Variants in AAR2 observed in about 807,000 individuals in gnomAD.
The protein encoded by AAR2 is AAR2 splicing factor, also known as protein AAR2 homolog.
Under a neutral mutation model 26.9 loss-of-function variants are expected in AAR2, and 31 were observed. The ratio of observed to expected loss-of-function variants is 1.15; its 90% CI spans 0.86 to 1.55. The LOEUF is 1.55. Ranked by LOEUF, AAR2 falls within the 40% of genes most tolerant of loss-of-function variation. AAR2 has a pLI of 0.00. For missense variants in AAR2, 430 were observed against 491.3 expected (o/e 0.88, Z 1.18); for synonymous variants, 188 against 196.1 (o/e 0.96, Z 0.34).
At chr20:36,238,140 A>G (rs1184861302) in intron 1 of AAR2, among the ~76,000 whole-genome samples, 7 of 152,194 alleles carry the variant, frequency 4.6e-5, no homozygotes, top group Non-Finnish European at 8.8e-5. Flanking sequence ...TGTGACCTAC[A>G]GTAACGAATA....
At chr20:36,250,974 A>G (rs369150974) in intron 3 of AAR2, among the ~76,000 whole-genome samples, 2 of 152,138 alleles carry the variant, frequency 1.3e-5, no homozygotes, top group South Asian at 2.1e-4. Context: ...AGGTGCGTGG[A>G]TCACTTGAGC....
intron 2 of AAR2, 122 bp from the exon 3 acceptor site, chr20:36,244,575 C>T: frequency 7.7e-6 from 7 of 912,402 alleles, no homozygotes; most frequent in Non-Finnish European, 1.2e-5. Context: ...GCAGGAGTGA[C>T]AAGGATAAAA....
At chr20:36,249,156 C>T (rs1167407364) in intron 3 of AAR2, among the ~76,000 whole-genome samples, 1 of 152,082 alleles carries the variant, frequency 6.6e-6, no homozygotes. Flanking sequence ...TAAAATCAGC[C>T]GCGTAATGGA....
chr20:36,239,788 G>A (rs1026451260), intron 1 of AAR2, 33 bp from the exon 2 acceptor site: 29 of 1,479,878 alleles, frequency 2.0e-5, no homozygotes, highest in African/African-American at 1.1e-4. Context: ...TTTCCCCCAC[G>A]TTCTGATTAA....
intron 3 of AAR2, 100 bp downstream of exon 3, chr20:36,245,026 T>C: frequency 9.0e-7 from 1 of 1,112,898 alleles, no homozygotes; most frequent in African/African-American, 1.6e-5. Flanking sequence ...CCCAAAATTT[T>C]TAAATTTCAG....
In AAR2 at chr20:36,244,676, TCTC is replaced by T. The variant is rs776514716; in HGVS notation, c.758-17_758-15del. ...GGTCCTCCTCTCCCTCAGAATCACT[TCTC>T]CTCTCTGCACCTTTCAGGTGAACTC... On this transcript the variant is annotated intron_variant, in intron 2 of 3. Transcript: ENST00000320849. The T allele has an allele frequency of 9.8e-5, 153 of 1,561,074 alleles. No individual in the cohort carries two copies. Among genetic ancestry groups the T allele is most frequent in the Non-Finnish European group, 1.1e-4 (125 of 1,138,254 alleles).
intron 3 of AAR2, 71 bp from the exon 4 acceptor site, chr20:36,255,507 G>A (rs2064812553): frequency 6.4e-7 from 1 of 1,571,410 alleles, no homozygotes; most frequent in Non-Finnish European, 8.7e-7. Context: ...ACACCATGAG[G>A]AAATTTCCAC....
At chr20:36,237,109 A>G (rs2064615725) in intron 1 of AAR2, among the ~76,000 whole-genome samples, 1 of 152,220 alleles carries the variant, frequency 6.6e-6, no homozygotes, top group Non-Finnish European at 1.5e-5. Flanking sequence ...ATATGGAGAC[A>G]GCCTCCAATT....
At chr20:36,238,712 C>T (rs2064644402) in intron 1 of AAR2, among the ~76,000 whole-genome samples, 1 of 149,850 alleles carries the variant, frequency 6.7e-6, no homozygotes, top group African/African-American at 2.5e-5. Flanking sequence ...GCCGAGATCA[C>T]GCCACTGCAC....
In AAR2 at chr20:36,240,326, G is replaced by A. The variant is rs768628432; in HGVS notation, c.458G>A (p.Arg153Gln). The change falls in exon 2 of 4, where the codon CGA (arginine) becomes CAA (glutamine). Residue 153 changes from arginine (R) to glutamine (Q), a missense_variant. Physicochemically the swap from Arg to Gln is conservative, Grantham distance 43. Coordinates refer to ENST00000320849, the MANE Select transcript of AAR2 (RefSeq NM_001271874.2). ...ATVEKLQPENRQICAFSDVLP... is the reference protein window; with the variant it reads ...ATVEKLQPENQQICAFSDVLP... Reference sequence around the variant, plus strand: ...GTGGAGAAGCTACAGCCCGAGAATCGACAGATCTGTGCCTTTTCCGATGTG... The same window carrying A: ...GTGGAGAAGCTACAGCCCGAGAATCAACAGATCTGTGCCTTTTCCGATGTG... 14 of 1,614,188 alleles carry A rather than the reference G, an allele frequency of 8.7e-6. No homozygotes were observed. Among genetic ancestry groups the A allele is most frequent in the South Asian group, 1.1e-5 (1 of 91,082 alleles).
chr20:36,250,733 T>A (rs1447292223), intron 3 of AAR2, among the ~76,000 whole-genome samples: 1 of 152,154 alleles, frequency 6.6e-6, no homozygotes. Context: ...TATACGCACC[T>A]TCAAACTCAG....
At chr20:36,249,083 A>G (rs1436005110) in intron 3 of AAR2, among the ~76,000 whole-genome samples, 1 of 152,128 alleles carries the variant, frequency 6.6e-6, no homozygotes, top group Non-Finnish European at 1.5e-5. Flanking sequence ...AATGGCTACT[A>G]CCCATGGAGA....
chr20:36,250,552 T>TG (rs573275477), intron 3 of AAR2, among the ~76,000 whole-genome samples: 3 of 152,152 alleles, frequency 2.0e-5, no homozygotes, highest in Non-Finnish European at 4.4e-5. Flanking sequence ...TTCTGAATTG[T>TG]GAGGAGTTTT....
chr20:36,238,395 G>A (rs967105211), intron 1 of AAR2, among the ~76,000 whole-genome samples: 1 of 152,160 alleles, frequency 6.6e-6, no homozygotes, highest in Non-Finnish European at 1.5e-5. Context: ...AGGTAACAAT[G>A]ATAAAATGTG....
chr20:36,238,038 C>T (rs1278805384), intron 1 of AAR2, among the ~76,000 whole-genome samples: 1 of 152,024 alleles, frequency 6.6e-6, no homozygotes, highest in Non-Finnish European at 1.5e-5. Context: ...TCCGCCTCGG[C>T]CTCCCAAAGT....
intron 2 of AAR2, among the ~76,000 whole-genome samples, chr20:36,244,177 G>T (rs1234505185): frequency 6.6e-6 from 1 of 152,168 alleles, no homozygotes; most frequent in Non-Finnish European, 1.5e-5. Context: ...TGGGCTGAGG[G>T]TTACATGGTA....
rs35283785 is a variant in AAR2, at chr20:36,244,679, CCT to C, written c.758-13_758-12del. The C allele has an allele frequency of 0.19, 302,775 of 1,612,402 alleles. 29,107 individuals are homozygous for C. Among genetic ancestry groups the C allele is most frequent in the South Asian group, 0.23 (20,687 of 91,030 alleles). Reference sequence around the variant, plus strand: ...CCTCCTCTCCCTCAGAATCACTTCTCCTCTCTGCACCTTTCAGGTGAACTCCA... The same window carrying C: ...CCTCCTCTCCCTCAGAATCACTTCTCCTCTGCACCTTTCAGGTGAACTCCA... On this transcript the variant is annotated splice_polypyrimidine_tract_variant and intron_variant, in intron 2 of 3. Coordinates refer to ENST00000320849, the MANE Select transcript of AAR2 (RefSeq NM_001271874.2).
chr20:36,247,325 C>G (rs2064743721), intron 3 of AAR2, among the ~76,000 whole-genome samples: 1 of 152,148 alleles, frequency 6.6e-6, no homozygotes, highest in Admixed American at 6.5e-5. Context: ...TACCCCATCT[C>G]TCTCCCACAC....
intron 3 of AAR2, among the ~76,000 whole-genome samples, chr20:36,252,408 G>T (rs548945482): frequency 6.6e-6 from 1 of 152,288 alleles, no homozygotes; most frequent in Non-Finnish European, 1.5e-5. Flanking sequence ...GTTGCTCCGT[G>T]TCTGGTGGAC....
Sources: allele counts gnomAD v4.1 joint callset (sites outside exome capture counted in the v4.1 genomes callset), GRCh38; gene constraint gnomAD v4.1.1; transcripts MANE v1.5; gene names NCBI Gene and HGNC (gene_info 2026-07-23, HGNC 2026-07-21).